CCDC13: variants seen among roughly 807,000 people sequenced by gnomAD.
CCDC13 encodes coiled-coil domain-containing protein 13.
A neutral mutation model predicts 87.3 loss-of-function variants in CCDC13; 70 were observed. The ratio of observed to expected loss-of-function variants is 0.80; its 90% CI spans 0.66 to 0.98. The LOEUF is 0.98. Among genes scored for constraint, CCDC13 ranks in the 50% least tolerant of loss-of-function variants. CCDC13 has a pLI of 0.00. For missense variants in CCDC13, 842 were observed against 892.0 expected, an observed-to-expected ratio of 0.94 and a Z score of 0.71; for synonymous variants, 317 against 360.3, an observed-to-expected ratio of 0.88 and a Z score of 1.36.
chr3:42,748,826 C>T (rs376491471), intron 5 of CCDC13, among the ~76,000 whole-genome samples: 2 of 152,170 alleles, frequency 1.3e-5, no homozygotes, highest in East Asian at 3.8e-4. Context: ...ATAATCTCAG[C>T]TCACTGCAAC....
chr3:42,733,732 G>T, intron 10 of CCDC13, 123 bp from the exon 11 acceptor site: 1 of 1,268,658 alleles, frequency 7.9e-7, no homozygotes, highest in Non-Finnish European at 1.0e-6. Context: ...CTTTTCAGGA[G>T]TGAAAAGCGA....
intron 9 of CCDC13, among the ~76,000 whole-genome samples, chr3:42,737,278 G>A (rs538223993): frequency 8.9e-4 from 136 of 152,148 alleles, no homozygotes; most frequent in Non-Finnish European, 1.7e-3. Context: ...ATTCCATGGT[G>A]TACATGTGCC....
chr3:42,752,106 G>A (rs970795570), intron 4 of CCDC13, 81 bp from the exon 5 acceptor site: 1 of 1,228,192 alleles, frequency 8.1e-7, no homozygotes, highest in East Asian at 2.3e-5. Context: ...CATTGTGTGT[G>A]TGGTTACCTA....
At chr3:42,768,328 C>T (rs892107717) in intron 1 of CCDC13, among the ~76,000 whole-genome samples, 24 of 152,080 alleles carry the variant, frequency 1.6e-4, no homozygotes, top group African/African-American at 5.6e-4. Context: ...AAGCATGATA[C>T]ATGAAACAAA....
intron 14 of CCDC13, among the ~76,000 whole-genome samples, chr3:42,712,381 C>A (rs1698332626): frequency 6.6e-6 from 1 of 152,110 alleles, no homozygotes; most frequent in Non-Finnish European, 1.5e-5. Flanking sequence ...GCTTCTGGCT[C>A]TGGCATCCTC....
chr3:42,709,543 C>A, intron 15 of CCDC13, 141 bp downstream of exon 15: 1 of 698,262 alleles, frequency 1.4e-6, no homozygotes. Flanking sequence ...GAATTGCAGG[C>A]CTAGAACCCA....
rs571017631 is a variant in CCDC13, at chr3:42,745,938, A to T, written c.810T>A (p.Leu270=). 4.0e-5 allele frequency: 65 copies of T among 1,613,816 alleles called. No individual in the cohort carries two copies. Among genetic ancestry groups the T allele is most frequent in the Admixed American group, 2.7e-4 (16 of 60,012 alleles). Residue 270 remains leucine (L), a synonymous_variant, in exon 7 of 16, where the codon CTT becomes CTA. Transcript: ENST00000310232. Reference sequence around the variant, plus strand: ...ACTCACTCACCTTGCTCTGCAAAACAAGAATTTGTTGAGCCCGACCCCTCC... The same window carrying T: ...ACTCACTCACCTTGCTCTGCAAAACTAGAATTTGTTGAGCCCGACCCCTCC... ...GTWRGRAQQI[L]VLQSKVQELE...
At chr3:42,759,503 G>C (rs921744611) in intron 1 of CCDC13, among the ~76,000 whole-genome samples, 1 of 152,144 alleles carries the variant, frequency 6.6e-6, no homozygotes. Context: ...GTTCACTACA[G>C]TTTTGCCTTT....
intron 1 of CCDC13, among the ~76,000 whole-genome samples, chr3:42,762,676 C>T (rs946174932): frequency 7.2e-5 from 11 of 152,224 alleles, no homozygotes; most frequent in Non-Finnish European, 1.0e-4. Context: ...CACCTGGTGT[C>T]TCCTGGACTC....
intron 3 of CCDC13, 100 bp from the exon 4 acceptor site, chr3:42,752,817 G>T: frequency 6.9e-7 from 1 of 1,444,056 alleles, no homozygotes; most frequent in Non-Finnish European, 9.5e-7. Context: ...AGCTAAAGCT[G>T]CTTGGCATGA....
At chr3:42,744,662 G>A (rs1269302867) in intron 7 of CCDC13, among the ~76,000 whole-genome samples, 6 of 151,828 alleles carry the variant, frequency 4.0e-5, no homozygotes, top group South Asian at 2.1e-4. Context: ...AAAATTAGCC[G>A]GGCGTGGTGG....
intron 13 of CCDC13, among the ~76,000 whole-genome samples, chr3:42,727,149 ATCACCTGAGG>A: frequency 6.6e-6 from 1 of 152,322 alleles, no homozygotes; most frequent in South Asian, 2.1e-4. Flanking sequence ...AGGCAGGCAG[ATCACCTGAGG>A]TCAGGAGTTC....
At position 42,758,261 on chromosome 3, in the gene CCDC13, G is replaced by C. The variant is rs1699753364; in HGVS notation, c.85C>G (p.Gln29Glu). 1 of 1,613,708 alleles carries C rather than the reference G, an allele frequency of 6.2e-7. No individual in the cohort carries two copies. Among genetic ancestry groups the C allele is most frequent in the Non-Finnish European group, 8.5e-7 (1 of 1,180,020 alleles). The change falls in exon 2 of 16, where the codon CAG (glutamine) becomes GAG (glutamate). Residue 29 changes from glutamine (Q) to glutamate (E), a missense_variant. Physicochemically the swap from Gln to Glu is conservative, Grantham distance 29 (BLOSUM62 2). Coordinates refer to ENST00000310232, the MANE Select transcript of CCDC13 (RefSeq NM_144719.4). ...TCTTTTTCCCTCTTTTTCTCCATCT[G>C]CTTCTGTAACCGTTTGTGCTGCATC... ...QEMQHKRLQK[Q>E]MEKKREKELS...
chr3:42,712,263 C>T lies in CCDC13; in HGVS notation c.1873+899G>A, dbSNP rs567323479. On this transcript the variant is annotated intron_variant, in intron 14 of 15. Transcript: ENST00000310232. Reference sequence around the variant, plus strand: ...GGGGGCAGCAGCACCTCCAGCATTCCAGCCTGGAGGGGGCTGGGATGGGTG... The same window carrying T: ...GGGGGCAGCAGCACCTCCAGCATTCTAGCCTGGAGGGGGCTGGGATGGGTG... Among the ~76,000 whole-genome samples the T allele has an allele frequency of 5.3e-5, 8 of 151,962 alleles. No homozygotes were observed. In the South Asian group the frequency reaches 1.7e-3, roughly 32 times the overall value.
intron 8 of CCDC13, among the ~76,000 whole-genome samples, chr3:42,740,647 C>T (rs990548314): frequency 3.3e-5 from 5 of 152,144 alleles, no homozygotes; most frequent in Non-Finnish European, 5.9e-5. Context: ...GAAAAGGTGG[C>T]ATCTGAGCAG....
intron 14 of CCDC13, 43 bp downstream of exon 14, chr3:42,713,119 C>G (rs199846989): frequency 7.5e-6 from 12 of 1,595,266 alleles, no homozygotes; most frequent in Non-Finnish European, 9.4e-6. Flanking sequence ...AGCAGCAACA[C>G]TGCCTCCACC....
In CCDC13 at chr3:42,735,835, G is replaced by C. The variant is rs1279929228; in HGVS notation, c.1243C>G (p.Leu415Val). The C allele has an allele frequency of 6.2e-7, 1 of 1,614,264 alleles. No individual in the cohort carries two copies. The highest frequency in any genetic ancestry group is 1.7e-5 in the Admixed American group (1 of 60,034). Residue 415 changes from leucine to valine, a missense_variant, in exon 10 of 16, where the codon CTG becomes GTG. Transcript: ENST00000310232. ...EEKTRVSQHH[L>V]DQQLNSEAQR... ...GCCTCGCTGTTCAGTTGCTGGTCCA[G>C]GTGGTGCTGGGACACTCGCGTTTTC... is the stretch of plus-strand genomic sequence containing the variant.
chr3:42,758,271 C>T lies in CCDC13; in HGVS notation c.75G>A (p.Arg25=), dbSNP rs1322217800. 6 of 1,613,698 alleles carry T rather than the reference C, an allele frequency of 3.7e-6. No homozygotes were observed. The highest frequency in any genetic ancestry group is 5.1e-6 in the Non-Finnish European group (6 of 1,180,024). The change falls in exon 2 of 16, where the codon CGG becomes CGA. Residue 25 remains arginine, a synonymous_variant. Coordinates refer to ENST00000310232, the MANE Select transcript of CCDC13 (RefSeq NM_144719.4). ...FKAMQEMQHK[R]LQKQMEKKRE... ...TCTTTTTCTCCATCTGCTTCTGTAA[C>T]CGTTTGTGCTGCATCTCCTGCATTG...
chr3:42,722,835 C>A (rs1394539736), intron 13 of CCDC13, among the ~76,000 whole-genome samples: 2 of 134,548 alleles, frequency 1.5e-5, no homozygotes, highest in East Asian at 2.2e-4. Context: ...CTCGCTCAGT[C>A]ACCCAGGCTG....
Sources: gnomAD v4.1 joint callset for allele counts (sites outside exome capture counted in the v4.1 genomes callset) on GRCh38, gnomAD v4.1.1 for gene constraint, MANE v1.5 for transcripts, NCBI Gene and HGNC (gene_info 2026-07-23, HGNC 2026-07-21) for gene names.